Variants in LRFN5 observed in about 807,000 individuals in gnomAD.
The protein encoded by LRFN5 is leucine-rich repeat and fibronectin type-III domain-containing protein 5.
Under a neutral mutation model 45.6 loss-of-function variants are expected in LRFN5, and 24 were observed. The observed-to-expected ratio is 0.53, with a 90% CI of 0.38 to 0.74. The LOEUF is 0.74. Ranked by LOEUF, LRFN5 falls within the 30% of genes least tolerant of loss-of-function variation. LRFN5 has a pLI of 0.00. For missense variants in LRFN5, 776 were observed against 861.5 expected, an observed-to-expected ratio of 0.90 and a Z score of 1.24; for synonymous variants, 340 against 313.8, an observed-to-expected ratio of 1.08 and a Z score of -0.88.
chr14:41,843,351 C>T (rs1376428295), intron 2 of LRFN5, among the ~76,000 whole-genome samples: 1 of 151,918 alleles, frequency 6.6e-6, no homozygotes, highest in Non-Finnish European at 1.5e-5. Flanking sequence ...GCCTTAGGCT[C>T]TCGAAGTGCT....
chr14:41,809,725 A>G (rs1343397999), intron 2 of LRFN5, among the ~76,000 whole-genome samples: 2 of 151,792 alleles, frequency 1.3e-5, no homozygotes, highest in Non-Finnish European at 2.9e-5. Flanking sequence ...TATGGCAAAC[A>G]AAGAAAGATA....
intron 2 of LRFN5, among the ~76,000 whole-genome samples, chr14:41,856,672 A>ATTATTATTTTATTTTATTTTTTTTTT (rs1555326971): frequency 1.7e-4 from 1 of 5,984 alleles, no homozygotes; most frequent in African/African-American, 2.8e-4. Flanking sequence ...TATTATTATT[A>ATTATTATTTTATTTTATTTTTTTTTT]TTATTTTTTT....
chr14:41,695,210 G>C (rs894036823), intron 1 of LRFN5, among the ~76,000 whole-genome samples: 7 of 151,934 alleles, frequency 4.6e-5, no homozygotes, highest in Non-Finnish European at 1.0e-4. Context: ...TGAAGACTGA[G>C]AGAGGTAAAG....
chr14:41,613,582 G>A (rs1474276936), intron 1 of LRFN5, among the ~76,000 whole-genome samples: 2 of 151,506 alleles, frequency 1.3e-5, no homozygotes, highest in African/African-American at 4.9e-5. Context: ...AATCCTTGTG[G>A]AAAACAATTG....
chr14:41,843,684 A>G (rs12586811), intron 2 of LRFN5, among the ~76,000 whole-genome samples: 78,350 of 151,966 alleles, frequency 0.52, 20,543 homozygotes, highest in East Asian at 0.77. Flanking sequence ...TCTTTTTACT[A>G]ATAAATTGTA....
chr14:41,691,813 G>T (rs141500967), intron 1 of LRFN5, among the ~76,000 whole-genome samples: 259 of 152,076 alleles, frequency 1.7e-3, no homozygotes, highest in African/African-American at 5.8e-3. Flanking sequence ...TAACACTGTG[G>T]ATTAGTTTTG....
At chr14:41,884,787 G>A (rs541393963) in intron 2 of LRFN5, among the ~76,000 whole-genome samples, 23 of 152,230 alleles carry the variant, frequency 1.5e-4, no homozygotes, top group South Asian at 8.3e-4. Context: ...GACAAGGAAT[G>A]AATCTCCGGA....
At chr14:41,795,420 T>C (rs1264575398) in intron 2 of LRFN5, among the ~76,000 whole-genome samples, 1 of 152,084 alleles carries the variant, frequency 6.6e-6, no homozygotes, top group Admixed American at 6.6e-5. Flanking sequence ...AGCGATCCCA[T>C]TACTGGGTAT....
chr14:41,887,259 C>T lies in LRFN5; in HGVS notation c.634C>T (p.Pro212Ser), dbSNP rs1401325012. Reference protein sequence around the residue: ...VTSNKLQKLPPDPLFQRAQVL... With the variant: ...VTSNKLQKLPSDPLFQRAQVL... ...ATCAAATAAATTGCAGAAGCTACCA[C>T]CTGACCCTCTCTTTCAGCGAGCTCA... Residue 212 changes from proline to serine, a missense_variant, in exon 3 of 6, where the codon CCT becomes TCT. Transcript: ENST00000298119. This position sits in a 1 kb window ranked among gnomAD's most constrained non-coding sequence, Gnocchi z 4.8. The T allele has an allele frequency of 6.2e-7, 1 of 1,614,196 alleles. No individual in the cohort carries two copies. Among genetic ancestry groups the T allele is most frequent in the Non-Finnish European group, 8.5e-7 (1 of 1,180,038 alleles).
chr14:41,896,888 C>T (rs1447765932), intron 4 of LRFN5, among the ~76,000 whole-genome samples: 1 of 151,764 alleles, frequency 6.6e-6, no homozygotes, highest in Non-Finnish European at 1.5e-5. Context: ...GTCAGGAGAT[C>T]GAGACCATCC....
intron 1 of LRFN5, among the ~76,000 whole-genome samples, chr14:41,724,678 T>C (rs575039936): frequency 1.3e-5 from 2 of 152,266 alleles, no homozygotes; most frequent in South Asian, 4.1e-4. Context: ...CAAGAATGTG[T>C]TATGACTAAT....
At chr14:41,650,303 T>G (rs1246377012) in intron 1 of LRFN5, among the ~76,000 whole-genome samples, 1 of 131,664 alleles carries the variant, frequency 7.6e-6, no homozygotes, top group African/African-American at 2.8e-5. Context: ...AGATGAGAGA[T>G]AGAGGTTTAA....
chr14:41,904,073 C>T (rs1235073601), intron 5 of LRFN5, 85 bp from the exon 6 acceptor site: 1 of 1,174,826 alleles, frequency 8.5e-7, no homozygotes, highest in Non-Finnish European at 1.2e-6. Flanking sequence ...TTTTAGATTG[C>T]TAGCACAATG....
chr14:41,671,544 G>T (rs1566613080), intron 1 of LRFN5, among the ~76,000 whole-genome samples: 1 of 148,666 alleles, frequency 6.7e-6, no homozygotes, highest in African/African-American at 2.5e-5. Flanking sequence ...TTACTTCGTG[G>T]TATCACTTCC....
intron 1 of LRFN5, among the ~76,000 whole-genome samples, chr14:41,666,097 AC>A (rs1880885779): frequency 6.6e-6 from 1 of 152,052 alleles, no homozygotes; most frequent in South Asian, 2.1e-4. Flanking sequence ...CATTTTACTA[AC>A]ATTAAAAAGG....
At position 41,732,950 on chromosome 14, in the gene LRFN5, A is replaced by G. The variant is rs1034493709; in HGVS notation, c.-196-33904A>G. ...AAGTACCAGAAAAGAAAAGAAAAAA[A>G]TTCACTAGAGGGATTTATAGAAAGA... On this transcript the variant is annotated intron_variant, in intron 1 of 5. Coordinates refer to ENST00000298119, the MANE Select transcript of LRFN5 (RefSeq NM_152447.5). Among the ~76,000 whole-genome samples the G allele has an allele frequency of 2.6e-5, 4 of 152,048 alleles. No individual in the cohort carries two copies. The East Asian group carries it at 7.7e-4, about 29-fold the overall frequency.
intron 1 of LRFN5, among the ~76,000 whole-genome samples, chr14:41,689,539 T>G (rs1037683660): frequency 5.9e-5 from 9 of 152,278 alleles, no homozygotes; most frequent in African/African-American, 2.2e-4. Flanking sequence ...TTATTAAAAT[T>G]GACTCAGGAT....
chr14:41,693,312 T>G (rs1451590637), intron 1 of LRFN5, among the ~76,000 whole-genome samples: 2 of 152,122 alleles, frequency 1.3e-5, no homozygotes, highest in East Asian at 3.8e-4. Flanking sequence ...TGCATTGAAG[T>G]TATAAATTGT....
intron 1 of LRFN5, among the ~76,000 whole-genome samples, chr14:41,745,289 T>G (rs1884875834): frequency 6.6e-6 from 1 of 152,010 alleles, no homozygotes; most frequent in African/African-American, 2.4e-5. Context: ...ATAACACAAA[T>G]GGGTCAAAAA....
Sources: allele counts gnomAD v4.1 joint callset (sites outside exome capture counted in the v4.1 genomes callset), GRCh38; gene constraint gnomAD v4.1.1; non-coding constraint Gnocchi (gnomAD v3.1); transcripts MANE v1.5; gene names NCBI Gene and HGNC (gene_info 2026-07-23, HGNC 2026-07-21).